Variants in IGF1R observed in about 807,000 individuals in gnomAD.
IGF1R encodes insulin-like growth factor 1 receptor.
Under a neutral mutation model 144.6 loss-of-function variants are expected in IGF1R, and 44 were observed. That is an observed-to-expected ratio of 0.30 (90% CI 0.24 to 0.39). The LOEUF is 0.39. Among genes scored for constraint, IGF1R ranks in the 10% least tolerant of loss-of-function variants. The probability of loss-of-function intolerance (pLI) is 1.00; values close to 1 mark genes in which losing one functional copy is unlikely to be tolerated. For synonymous variants in IGF1R, 795 were observed against 722.8 expected, an observed-to-expected ratio of 1.10 and a Z score of -1.60; for missense variants, 1,355 against 1,833.7, an observed-to-expected ratio of 0.74 and a Z score of 4.77.
chr15:98,880,232 CTTCTCAGCCTTT>C (rs1316071658), intron 2 of IGF1R, among the ~76,000 whole-genome samples: 3 of 152,222 alleles, frequency 2.0e-5, no homozygotes, highest in Admixed American at 6.5e-5. Flanking sequence ...CCTGAGCCTC[CTTCTCAGCCTTT>C]GTGTTAATTC....
At chr15:98,836,880 GACT>G (rs760771485) in intron 2 of IGF1R, among the ~76,000 whole-genome samples, 1 of 152,176 alleles carries the variant, frequency 6.6e-6, no homozygotes, top group Admixed American at 6.5e-5. Flanking sequence ...TTTTGGGGAA[GACT>G]ACTACAAGAT....
chr15:98,931,345 A>G (rs574015219), intron 15 of IGF1R, among the ~76,000 whole-genome samples: 1 of 152,248 alleles, frequency 6.6e-6, no homozygotes, highest in Non-Finnish European at 1.5e-5. Context: ...GAGATGTGAA[A>G]TAAAGAGACA....
At chr15:98,945,061 C>T (rs1225143992) in intron 19 of IGF1R, among the ~76,000 whole-genome samples, 1 of 152,234 alleles carries the variant, frequency 6.6e-6, no homozygotes, top group African/African-American at 2.4e-5. Context: ...GGCTGCTCTC[C>T]CTGCAGCTCC....
chr15:98,651,449 A>C (rs1054303650), intron 1 of IGF1R, among the ~76,000 whole-genome samples: 1 of 152,140 alleles, frequency 6.6e-6, no homozygotes, highest in Non-Finnish European at 1.5e-5. Flanking sequence ...TGGGGGGACA[A>C]AGGAGGGTTT....
At chr15:98,910,353 T>A (rs1193423693) in intron 6 of IGF1R, among the ~76,000 whole-genome samples, 1 of 152,258 alleles carries the variant, frequency 6.6e-6, no homozygotes. Context: ...GTTTATTTTC[T>A]TTTGAAAGCA....
intron 1 of IGF1R, among the ~76,000 whole-genome samples, chr15:98,670,632 G>A (rs930542839): frequency 6.6e-6 from 1 of 152,218 alleles, no homozygotes; most frequent in Non-Finnish European, 1.5e-5. Flanking sequence ...GGAAGAGATA[G>A]AAGACTGGTC....
At chr15:98,854,841 T>G (rs904163760) in intron 2 of IGF1R, among the ~76,000 whole-genome samples, 2 of 152,148 alleles carry the variant, frequency 1.3e-5, no homozygotes, top group African/African-American at 4.8e-5. Flanking sequence ...CCCCCTTTCC[T>G]GCATGAGGCA....
At chr15:98,772,510 A>ATTATTG (rs60796484) in intron 2 of IGF1R, among the ~76,000 whole-genome samples, 12,930 of 141,822 alleles carry the variant, frequency 0.091, 766 homozygotes, top group Middle Eastern at 0.12. Flanking sequence ...TATTATTATT[A>ATTATTG]TTATTTTAAG....
At chr15:98,657,916 G>T (rs1247173704) in intron 1 of IGF1R, among the ~76,000 whole-genome samples, 1 of 152,166 alleles carries the variant, frequency 6.6e-6, no homozygotes, top group Non-Finnish European at 1.5e-5. Context: ...CCGGGATCCA[G>T]CCTGGTCCAG....
intron 2 of IGF1R, among the ~76,000 whole-genome samples, chr15:98,737,374 C>T (rs868188912): frequency 1.2e-4 from 18 of 152,084 alleles, no homozygotes; most frequent in East Asian, 7.7e-4. Context: ...GATTAGGAAC[C>T]GAGCGAGGAT....
At chr15:98,923,272 G>C (rs1350376807) in intron 11 of IGF1R, among the ~76,000 whole-genome samples, 1 of 152,274 alleles carries the variant, frequency 6.6e-6, no homozygotes, top group East Asian at 1.9e-4. Flanking sequence ...GCCGCTGGAG[G>C]AGTTGGTGCC....
intron 7 of IGF1R, 111 bp downstream of exon 7, chr15:98,911,552 C>G (rs1030340612): frequency 7.1e-7 from 1 of 1,401,310 alleles, no homozygotes; most frequent in African/African-American, 1.4e-5. Context: ...AGCAGAGTCC[C>G]CAGGGAGAGC....
rs115667507 is a variant in IGF1R at position 98,863,254 on chromosome 15, C to T, written c.641-28071C>T. On this transcript the variant is annotated intron_variant, in intron 2 of 20. Transcript: ENST00000650285. ...AGAGGTGCTGCTGTTTGTGTCTTTG[C>T]GCATCCTGTCAGGAGATGCGTGATG... Among the ~76,000 whole-genome samples the T allele has an allele frequency of 2.3e-3, 347 of 152,114 alleles. 4 individuals carry two copies. The highest frequency in any genetic ancestry group is 8.0e-3 in the African/African-American group (334 of 41,500).
At chr15:98,677,477 A>G (rs1382743107) in intron 1 of IGF1R, among the ~76,000 whole-genome samples, 1 of 152,234 alleles carries the variant, frequency 6.6e-6, no homozygotes, top group Non-Finnish European at 1.5e-5. Context: ...ACTTAGGAAT[A>G]TAAATGGCTG....
At chr15:98,832,636 T>C (rs1029169648) in intron 2 of IGF1R, among the ~76,000 whole-genome samples, 12 of 152,206 alleles carry the variant, frequency 7.9e-5, no homozygotes, top group Admixed American at 3.3e-4. Context: ...ATGGTTTTTT[T>C]CTAGAAAAAC....
intron 2 of IGF1R, chr15:98,820,859 G>A (rs914813213): frequency 1.8e-4 from 28 of 152,254 alleles, no homozygotes; most frequent in African/African-American, 6.0e-4. Context: ...ACCTCTCTTT[G>A]ACATCACAAT....
intron 1 of IGF1R, among the ~76,000 whole-genome samples, chr15:98,656,624 G>A (rs756973660): frequency 6.6e-6 from 1 of 150,816 alleles, no homozygotes; most frequent in Non-Finnish European, 1.5e-5. Flanking sequence ...TTGTTTTTTT[G>A]CATATTTTAA....
intron 8 of IGF1R, among the ~76,000 whole-genome samples, chr15:98,913,570 C>T (rs936275229): frequency 6.6e-5 from 10 of 152,218 alleles, no homozygotes; most frequent in East Asian, 1.9e-4. Flanking sequence ...TGGAAACAGC[C>T]GTCTTCAGCT....
rs114599268 is a variant in IGF1R, at chr15:98,820,668, G to C, written c.641-70657G>C. On this transcript the variant is annotated intron_variant, in intron 2 of 20. Transcript: ENST00000650285. ...TAAGGCCTAGGTGTCAATTTTTTAC[G>C]CTTGCAGATCTTTTACAACTGTAAG... 7.9e-3 allele frequency among the ~76,000 whole-genome samples: 1,198 copies of C among 152,196 alleles called. 15 individuals carry two copies. The highest frequency in any genetic ancestry group is 0.028 in the African/African-American group (1,146 of 41,536).
Sources: gnomAD v4.1 joint callset for allele counts (sites outside exome capture counted in the v4.1 genomes callset) on GRCh38, gnomAD v4.1.1 for gene constraint, MANE v1.5 for transcripts, NCBI Gene and HGNC (gene_info 2026-07-23, HGNC 2026-07-21) for gene names.